KIF13A: variants seen among roughly 807,000 people sequenced by gnomAD.
The protein encoded by KIF13A is kinesin-like protein KIF13A.
In KIF13A, 79 loss-of-function variants were observed where a neutral mutation model predicts 212.2. The observed-to-expected ratio is 0.37, with a 90% CI of 0.31 to 0.45. The LOEUF is 0.45. KIF13A is among the 20% of genes least tolerant of loss of function. The pLI, the probability that KIF13A is intolerant of heterozygous loss-of-function variation, is 1.00. For synonymous variants in KIF13A, 789 were observed against 808.6 expected, an observed-to-expected ratio of 0.98 and a Z score of 0.41; for missense variants, 1,901 against 2,209.0, an observed-to-expected ratio of 0.86 and a Z score of 2.79.
rs1009774864 is a variant in KIF13A at position 17,951,074 on chromosome 6, T to C, written c.146+35980A>G. On this transcript the variant is annotated intron_variant, in intron 2 of 38. Transcript: ENST00000259711. The surrounding 1 kb of genome is among the most constrained non-coding windows in gnomAD (Gnocchi z 4.9). ...AGTACACCTAAGGACACCTAAGGAA[T>C]TGTACTTATTATATATAACACTTTG... 2.8e-6 allele frequency: 3 copies of C among 1,082,980 alleles called. No individual in the cohort carries two copies. The highest frequency in any genetic ancestry group is 3.4e-6 in the Non-Finnish European group (3 of 894,832). 67.1% of individuals were successfully genotyped at this position (1,082,980 alleles called of 1,614,324 possible).
intron 18 of KIF13A, 107 bp from the exon 19 acceptor site, chr6:17,805,722 G>A (rs901639058): frequency 2.1e-6 from 2 of 951,850 alleles, no homozygotes; most frequent in African/African-American, 1.7e-5. Flanking sequence ...ACACATAAAT[G>A]CATACAAAAG....
At chr6:17,950,538 T>G in intron 2 of KIF13A, 1 of 985,336 alleles carries the variant, frequency 1.0e-6, no homozygotes, top group Non-Finnish European at 1.2e-6. Context: ...CACACATTCC[T>G]TTCTTATACC....
chr6:17,767,891 G>A (rs902019026), intron 38 of KIF13A, among the ~76,000 whole-genome samples: 4 of 152,054 alleles, frequency 2.6e-5, no homozygotes, highest in Admixed American at 1.3e-4. Flanking sequence ...TATTCCTCAA[G>A]GATTAGAATG....
rs892617917 is a variant in KIF13A, at chr6:17,805,401, G to C, written c.2304+74C>G. 8.8e-5 allele frequency: 66 copies of C among 753,042 alleles called. No individual in the cohort carries two copies. In the African/African-American group the frequency reaches 1.0e-3, roughly 12 times the overall value. 46.6% of individuals were successfully genotyped at this position (753,042 alleles called of 1,614,324 possible). ...TGTGTGTGTGTGTGTGTGTGTGTGT[G>C]TGTGTGTTGCTAAATCGCTTATATT... On this transcript the variant is annotated intron_variant, in intron 19 of 38. Coordinates refer to ENST00000259711, the MANE Select transcript of KIF13A (RefSeq NM_022113.6).
intron 17 of KIF13A, among the ~76,000 whole-genome samples, chr6:17,814,675 T>C (rs1380943394): frequency 6.6e-6 from 1 of 152,210 alleles, no homozygotes; most frequent in African/African-American, 2.4e-5. Context: ...ATATTTAAAC[T>C]GATTGCCTGA....
rs188394775 is a variant in KIF13A at position 17,799,768 on chromosome 6, T to C, written c.2616+184A>G. On this transcript the variant is annotated intron_variant, in intron 21 of 38. Transcript: ENST00000259711. This position sits in a 1 kb window ranked among gnomAD's most constrained non-coding sequence, Gnocchi z 4.4. ...TCAAATACATAAACACTTTTGAAAT[T>C]TGATGCAACTGTCATAAGAAAGTGT... Among the ~76,000 whole-genome samples, 9 of 152,308 alleles carry C rather than the reference T, an allele frequency of 5.9e-5. No homozygotes were observed. The highest frequency in any genetic ancestry group is 1.2e-4 in the Non-Finnish European group (8 of 68,028).
intron 29 of KIF13A, among the ~76,000 whole-genome samples, chr6:17,781,623 GTTTTTTTT>G (rs776138365): frequency 9.3e-6 from 1 of 107,076 alleles, no homozygotes; most frequent in East Asian, 2.8e-4. Context: ...CTGTACTTGG[GTTTTTTTT>G]TTTTTTTTTT....
Position 17,781,122 on chromosome 6 carries a change from A to G in KIF13A, c.3669+55T>C, listed in dbSNP as rs187858751. ...CCATAGCAGTTTAGTGAGCAGGCCC[A>G]CAAGCCTTGTGTGCTAATCTGAAGC... On this transcript the variant is annotated intron_variant, in intron 30 of 38. Coordinates refer to ENST00000259711, the MANE Select transcript of KIF13A (RefSeq NM_022113.6). The G allele has an allele frequency of 2.0e-5, 32 of 1,607,116 alleles. No homozygotes were observed. The East Asian group carries it at 6.7e-4, about 34-fold the overall frequency.
At chr6:17,797,267 G>A (rs1464179638) in intron 22 of KIF13A, among the ~76,000 whole-genome samples, 1 of 151,954 alleles carries the variant, frequency 6.6e-6, no homozygotes, top group Non-Finnish European at 1.5e-5. Context: ...CTGACCTCGT[G>A]ATCCACCTGC....
At position 17,871,541 on chromosome 6, in the gene KIF13A, G is replaced by C. The variant is rs1380791619; in HGVS notation, c.220+1836C>G. Among the ~76,000 whole-genome samples, 2 of 152,106 alleles carry C rather than the reference G, an allele frequency of 1.3e-5. No homozygotes were observed. The highest frequency in any genetic ancestry group is 6.6e-5 in the Admixed American group (1 of 15,252). ...GCACACACACAGTGGGTTGGGGGGG[G>C]AGTCATGAATACTTAAAAAATTATT... On this transcript the variant is annotated intron_variant, in intron 4 of 38. Coordinates refer to ENST00000259711, the MANE Select transcript of KIF13A (RefSeq NM_022113.6). The surrounding 1 kb of genome is among the most constrained non-coding windows in gnomAD (Gnocchi z 4.4).
At chr6:17,814,860 C>T (rs1247292738) in intron 17 of KIF13A, among the ~76,000 whole-genome samples, 1 of 152,176 alleles carries the variant, frequency 6.6e-6, no homozygotes, top group Non-Finnish European at 1.5e-5. Flanking sequence ...CCCACTGGGT[C>T]TGTGGATTTT....
intron 34 of KIF13A, among the ~76,000 whole-genome samples, chr6:17,775,956 A>G (rs539854326): frequency 6.6e-6 from 1 of 151,940 alleles, no homozygotes; most frequent in South Asian, 2.1e-4. Context: ...ATCTCGGCGC[A>G]CCGCAATCTC....
intron 2 of KIF13A, among the ~76,000 whole-genome samples, chr6:17,959,953 C>T (rs1294557532): frequency 2.7e-5 from 4 of 150,660 alleles, no homozygotes; most frequent in African/African-American, 9.8e-5. Context: ...ACCCGGGAGG[C>T]GGAGGTTGTG....
rs1179835479 is a variant in KIF13A at position 17,886,971 on chromosome 6, A to G, written c.159+11197T>C. Among the ~76,000 whole-genome samples the G allele has an allele frequency of 6.6e-6, 1 of 152,142 alleles. No homozygotes were observed. Among genetic ancestry groups the G allele is most frequent in the Admixed American group, 6.6e-5 (1 of 15,264 alleles). ...GTGGTATATTGCATTACTGTTCCAA[A>G]TGATTCCTGGCCCTCCTGGTAAGGG... On this transcript the variant is annotated intron_variant, in intron 3 of 38. Coordinates refer to ENST00000259711, the MANE Select transcript of KIF13A (RefSeq NM_022113.6). This position sits in a 1 kb window ranked among gnomAD's most constrained non-coding sequence, Gnocchi z 5.6.
chr6:17,803,320 A>C (rs1762638121), intron 20 of KIF13A, among the ~76,000 whole-genome samples: 1 of 151,828 alleles, frequency 6.6e-6, no homozygotes, highest in South Asian at 2.1e-4. Flanking sequence ...AACTGTGCCC[A>C]TTTTTCCCAT....
rs371457148 is a variant in KIF13A at position 17,926,168 on chromosome 6, TA to T, written c.147-27989del. Among the ~76,000 whole-genome samples the T allele has an allele frequency of 1.4e-3, 217 of 152,348 alleles. No homozygotes were observed. The highest frequency in any genetic ancestry group is 4.9e-3 in the African/African-American group (205 of 41,580). On this transcript the variant is annotated intron_variant, in intron 2 of 38. Transcript: ENST00000259711. The surrounding 1 kb of genome is among the most constrained non-coding windows in gnomAD (Gnocchi z 4.3). The stretch of plus-strand genomic sequence containing the variant: ...GCATTGCTTATCTTGTATTAATATA[TA>T]GAGTGACCAACATTCAGTTCTTGTA...
In KIF13A at chr6:17,926,357, C is replaced by T. The variant is rs1303951146; in HGVS notation, c.147-28177G>A. Among the ~76,000 whole-genome samples the T allele has an allele frequency of 6.6e-6, 1 of 152,052 alleles. No homozygotes were observed. Among genetic ancestry groups the T allele is most frequent in the East Asian group, 1.9e-4 (1 of 5,176 alleles). ...AAGTGATTCTCGTGCCTCAGTCTCC[C>T]GAGTAGCTGGGATAACAGGCACGCA... On this transcript the variant is annotated intron_variant, in intron 2 of 38. Coordinates refer to ENST00000259711, the MANE Select transcript of KIF13A (RefSeq NM_022113.6). This position sits in a 1 kb window ranked among gnomAD's most constrained non-coding sequence, Gnocchi z 4.3.
In KIF13A at chr6:17,942,335, AATATATAT is replaced by A. The variant is rs10599616; in HGVS notation, c.147-44163_147-44156del. 7.1e-3 allele frequency among the ~76,000 whole-genome samples: 1,040 copies of A among 145,612 alleles called. 14 individuals are homozygous for A. Among genetic ancestry groups the A allele is most frequent in the African/African-American group, 0.024 (976 of 40,056 alleles). On this transcript the variant is annotated intron_variant, in intron 2 of 38. Coordinates refer to ENST00000259711, the MANE Select transcript of KIF13A (RefSeq NM_022113.6). ...AAACACAACAAGAACAACAACAACA[AATATATAT>A]ATATATATATATATATTTCTGTTCA...
chr6:17,971,294 T>C lies in KIF13A; in HGVS notation c.146+15760A>G, dbSNP rs1779783392. 6.6e-6 allele frequency among the ~76,000 whole-genome samples: 1 copy of C among 152,188 alleles called. No individual in the cohort carries two copies. The highest frequency in any genetic ancestry group is 2.4e-5 in the African/African-American group (1 of 41,450). ...CATCAATTTCCAGGAAAAGAGATAA[T>C]TAATGTGATCACTTCACAAAATTAA... On this transcript the variant is annotated intron_variant, in intron 2 of 38. Transcript: ENST00000259711. The surrounding 1 kb of genome is among the most constrained non-coding windows in gnomAD (Gnocchi z 4.2).
Sources: gnomAD v4.1 joint callset for allele counts (sites outside exome capture counted in the v4.1 genomes callset) on GRCh38, gnomAD v4.1.1 for gene constraint, Gnocchi (gnomAD v3.1) non-coding constraint, MANE v1.5 for transcripts, NCBI Gene and HGNC (gene_info 2026-07-23, HGNC 2026-07-21) for gene names.